DPH6: variants seen among roughly 807,000 people sequenced by gnomAD.
The protein encoded by DPH6 is diphthine--ammonia ligase.
A neutral mutation model predicts 38.2 loss-of-function variants in DPH6; 33 were observed. The observed-to-expected ratio is 0.86, with a 90% CI of 0.65 to 1.15. The LOEUF is 1.15. Among genes scored for constraint, DPH6 ranks in the 50% most tolerant of loss-of-function variants. The probability of loss-of-function intolerance (pLI) is 0.00; values close to 1 mark genes in which losing one functional copy is unlikely to be tolerated. For synonymous variants in DPH6, 108 were observed against 103.0 expected (o/e 1.05, Z -0.30); for missense variants, 325 against 320.0 (o/e 1.02, Z -0.12).
intron 3 of DPH6, among the ~76,000 whole-genome samples, chr15:35,222,008 C>T (rs1036302795): frequency 6.6e-6 from 1 of 152,156 alleles, no homozygotes; most frequent in Non-Finnish European, 1.5e-5. Context: ...AGTTCTTTGC[C>T]ACTTATAATA....
At chr15:35,297,386 C>G (rs1412216624) in intron 3 of DPH6, among the ~76,000 whole-genome samples, 1 of 149,126 alleles carries the variant, frequency 6.7e-6, no homozygotes, top group Non-Finnish European at 1.5e-5. Context: ...TCTGTTGAAT[C>G]TGGTCTTGTC....
chr15:35,370,058 C>T (rs1242466117), downstream of DPH6, among the ~76,000 whole-genome samples: 1 of 151,688 alleles, frequency 6.6e-6, no homozygotes, highest in Admixed American at 6.6e-5. Context: ...AGAAATAGAC[C>T]ACACAAATAT....
chr15:35,261,639 C>T (rs2051747412), intron 3 of DPH6, among the ~76,000 whole-genome samples: 1 of 151,980 alleles, frequency 6.6e-6, no homozygotes, highest in African/African-American at 2.4e-5. Context: ...TTGAGACCAG[C>T]CTGGGCAATA....
chr15:35,457,553 C>A (rs2054012739), intron 3 of DPH6, among the ~76,000 whole-genome samples: 1 of 152,186 alleles, frequency 6.6e-6, no homozygotes, highest in East Asian at 1.9e-4. Context: ...CTGCCTTGGC[C>A]TCCCAAATTG....
At chr15:35,310,365 T>C (rs2052130615) in intron 3 of DPH6, among the ~76,000 whole-genome samples, 1 of 152,192 alleles carries the variant, frequency 6.6e-6, no homozygotes, top group Non-Finnish European at 1.5e-5. Context: ...TAAGGGACTG[T>C]TCTAGGGTAG....
At chr15:35,177,594 AAAAAAAATCATCATC>A in the DPH6 span, among the ~76,000 whole-genome samples, 1 of 139,192 alleles carries the variant, frequency 7.2e-6, no homozygotes, top group Admixed American at 7.5e-5. Context: ...AAAAAAAAAA[AAAAAAAATCATCATC>A]ATCATCATCA....
chr15:35,327,336 CTTTTTTTT>C (rs376483680), downstream of DPH6, among the ~76,000 whole-genome samples: 2 of 127,814 alleles, frequency 1.6e-5, no homozygotes, highest in Non-Finnish European at 3.3e-5. Context: ...GAAAAGGTTC[CTTTTTTTT>C]TTTTTTTTTT....
chr15:35,410,797 T>C (rs2053356047), intron 6 of DPH6, 38 bp downstream of exon 6: 2 of 1,546,350 alleles, frequency 1.3e-6, no homozygotes, highest in African/African-American at 1.4e-5. Context: ...TTTTCTCCTT[T>C]AGATGGCTAC....
intron 3 of DPH6, among the ~76,000 whole-genome samples, chr15:35,228,438 GTTTT>G (rs909346782): frequency 2.0e-5 from 3 of 152,020 alleles, no homozygotes; most frequent in African/African-American, 7.2e-5. Context: ...TTTTTGTTTT[GTTTT>G]GTTTGGAGAC....
Position 35,465,034 on chromosome 15 carries a change from G to T in DPH6, c.313-10214C>A, listed in dbSNP as rs529336738. Among the ~76,000 whole-genome samples the T allele has an allele frequency of 5.0e-4, 76 of 152,290 alleles. 1 individual carries two copies. Among genetic ancestry groups the T allele is most frequent in the African/African-American group, 1.8e-3 (76 of 41,570 alleles). On this transcript the variant is annotated intron_variant, in intron 3 of 8. Transcript: ENST00000256538. ...AAATCTAGACACAAATTAGACTGTT[G>T]ACTCAATATCCACTTGTCTCAATAC...
At chr15:35,299,233 G>A (rs2052036934) in intron 3 of DPH6, 2 of 1,183,026 alleles carry the variant, frequency 1.7e-6, no homozygotes, top group African/African-American at 1.5e-5. Context: ...ACATGCGGTG[G>A]TGTGTCCACA....
chr15:35,316,744 G>A (rs2052192177), intron 3 of DPH6, among the ~76,000 whole-genome samples: 1 of 152,044 alleles, frequency 6.6e-6, no homozygotes, highest in African/African-American at 2.4e-5. Context: ...AAAGAAAACA[G>A]CACCTAGGTA....
intron 3 of DPH6, among the ~76,000 whole-genome samples, chr15:35,303,268 T>A (rs2052066342): frequency 6.6e-6 from 1 of 151,976 alleles, no homozygotes; most frequent in African/African-American, 2.4e-5. Context: ...TCTATAAAGG[T>A]GCGATGTTAT....
intron 3 of DPH6, among the ~76,000 whole-genome samples, chr15:35,458,498 A>G (rs2054024167): frequency 6.6e-6 from 1 of 152,218 alleles, no homozygotes; most frequent in Non-Finnish European, 1.5e-5. Flanking sequence ...ATAAAGATCT[A>G]CCACATAGTC....
At chr15:35,309,766 C>T (rs970655763) in intron 3 of DPH6, among the ~76,000 whole-genome samples, 4 of 152,144 alleles carry the variant, frequency 2.6e-5, no homozygotes, top group Admixed American at 6.5e-5. Flanking sequence ...TGATTCCTCA[C>T]AGGTTGAGGT....
At chr15:35,338,602 A>G (rs1375584190) in intron 3 of DPH6, among the ~76,000 whole-genome samples, 1 of 152,120 alleles carries the variant, frequency 6.6e-6, no homozygotes, top group Non-Finnish European at 1.5e-5. Context: ...AACTAGTTCA[A>G]CCATTGTGGA....
At chr15:35,187,744 G>A in the DPH6 span, among the ~76,000 whole-genome samples, 6,195 of 152,196 alleles carry the variant, frequency 0.041, 132 homozygotes, top group Middle Eastern at 0.051. Flanking sequence ...CCAACACTTC[G>A]GGAGGCTGAG....
the DPH6 span, among the ~76,000 whole-genome samples, chr15:35,204,903 G>A: frequency 1.3e-5 from 2 of 151,884 alleles, no homozygotes; most frequent in African/African-American, 4.8e-5. Context: ...GCATTTTGCT[G>A]TCTCTCAATG....
At chr15:35,454,679 T>C in intron 4 of DPH6, 68 bp downstream of exon 4, 1 of 1,311,960 alleles carries the variant, frequency 7.6e-7, no homozygotes, top group South Asian at 1.3e-5. Context: ...ATATGATTAT[T>C]ATTTTTCACT....
Sources: gnomAD v4.1 joint callset for allele counts (sites outside exome capture counted in the v4.1 genomes callset) on GRCh38, gnomAD v4.1.1 for gene constraint, MANE v1.5 for transcripts, NCBI Gene and HGNC (gene_info 2026-07-23, HGNC 2026-07-21) for gene names.